AUTS2: variants seen among roughly 807,000 people sequenced by gnomAD.
AUTS2 encodes the protein autism susceptibility gene 2 protein.
In AUTS2, 17 loss-of-function variants were observed where a neutral mutation model predicts 112.4. The observed-to-expected ratio is 0.15, with a 90% CI of 0.10 to 0.23. AUTS2 has a LOEUF of 0.23. Ranked by LOEUF, AUTS2 falls within the 10% of genes least tolerant of loss-of-function variation. The pLI is 1.00. For synonymous variants in AUTS2, 751 were observed against 702.7 expected (o/e 1.07, Z -1.09); for missense variants, 1,510 against 1,701.6 (o/e 0.89, Z 1.98).
chr7:69,653,164 C>G (rs1487033257), intron 1 of AUTS2, among the ~76,000 whole-genome samples: 1 of 152,156 alleles, frequency 6.6e-6, no homozygotes, highest in Non-Finnish European at 1.5e-5. Flanking sequence ...TTCATGTGGG[C>G]TTGCTGGCTC....
At chr7:69,989,133 T>A (rs778307563) in intron 2 of AUTS2, among the ~76,000 whole-genome samples, 3 of 152,238 alleles carry the variant, frequency 2.0e-5, no homozygotes, top group Non-Finnish European at 4.4e-5. Context: ...ATCTGTACCA[T>A]GTAATTTGTA....
chr7:69,872,062 C>T (rs571539947), intron 1 of AUTS2, among the ~76,000 whole-genome samples: 6 of 152,268 alleles, frequency 3.9e-5, no homozygotes, highest in African/African-American at 7.2e-5. Flanking sequence ...CTGTGTTATC[C>T]GACTTAACTT....
chr7:70,490,107 C>T (rs952316532), intron 5 of AUTS2, among the ~76,000 whole-genome samples: 8 of 151,678 alleles, frequency 5.3e-5, no homozygotes, highest in Non-Finnish European at 1.5e-5. Flanking sequence ...CAAAATTCCA[C>T]CATGAGGAGG....
At chr7:70,038,343 G>C (rs1801099423) in intron 2 of AUTS2, among the ~76,000 whole-genome samples, 1 of 152,136 alleles carries the variant, frequency 6.6e-6, no homozygotes, top group Non-Finnish European at 1.5e-5. Flanking sequence ...TTTCCAAAGA[G>C]AGAACTGTAA....
intron 2 of AUTS2, among the ~76,000 whole-genome samples, chr7:70,110,859 C>CTTTTTTTTTTTT (rs71077618): frequency 1.5e-3 from 123 of 82,770 alleles, no homozygotes; most frequent in Non-Finnish European, 1.8e-3. Flanking sequence ...TTCTTTCTTT[C>CTTTTTTTTTTTT]TTTTTTTTTT....
chr7:70,576,582 G>A (rs1367738887), intron 5 of AUTS2, among the ~76,000 whole-genome samples: 4 of 152,140 alleles, frequency 2.6e-5, no homozygotes, highest in Admixed American at 6.5e-5. Flanking sequence ...ACCAGCAACC[G>A]AGAATCAACA....
chr7:70,444,247 T>C (rs541789263), intron 5 of AUTS2, among the ~76,000 whole-genome samples: 4 of 152,188 alleles, frequency 2.6e-5, no homozygotes, highest in Admixed American at 2.6e-4. Context: ...GAGTGTAACC[T>C]GGGAGGCTCT....
At chr7:70,038,158 C>G (rs1333299794) in intron 2 of AUTS2, among the ~76,000 whole-genome samples, 1 of 151,990 alleles carries the variant, frequency 6.6e-6, no homozygotes, top group East Asian at 1.9e-4. Flanking sequence ...GTGTTGAGAA[C>G]CCGTAGGCTC....
At chr7:70,609,685 C>T (rs1803977014) in intron 5 of AUTS2, among the ~76,000 whole-genome samples, 1 of 151,922 alleles carries the variant, frequency 6.6e-6, no homozygotes, top group African/African-American at 2.4e-5. Flanking sequence ...CCTCTGCCTC[C>T]CAAAGTGCTG....
At chr7:70,077,012 AG>A (rs1464452516) in intron 2 of AUTS2, among the ~76,000 whole-genome samples, 1 of 152,214 alleles carries the variant, frequency 6.6e-6, no homozygotes, top group Non-Finnish European at 1.5e-5. Context: ...AATTATTTAA[AG>A]GGCTGTCATG....
intron 5 of AUTS2, among the ~76,000 whole-genome samples, chr7:70,677,403 CT>C (rs1807970882): frequency 6.6e-6 from 1 of 152,188 alleles, no homozygotes; most frequent in Non-Finnish European, 1.5e-5. Flanking sequence ...CTATATTCCC[CT>C]GAAAGCCTCC....
intron 4 of AUTS2, among the ~76,000 whole-genome samples, chr7:70,135,344 T>C (rs528061379): frequency 1.3e-5 from 2 of 152,250 alleles, no homozygotes; most frequent in East Asian, 3.9e-4. Context: ...TAGGATAACA[T>C]GTCAATGTAA....
At chr7:70,255,732 A>G (rs574996045) in intron 4 of AUTS2, among the ~76,000 whole-genome samples, 3 of 151,986 alleles carry the variant, frequency 2.0e-5, no homozygotes, top group Non-Finnish European at 4.4e-5. Flanking sequence ...CAGCCAGCTT[A>G]TAGAAAGAGA....
chr7:69,839,129 T>C (rs1302111136), intron 1 of AUTS2, among the ~76,000 whole-genome samples: 1 of 152,166 alleles, frequency 6.6e-6, no homozygotes, highest in Non-Finnish European at 1.5e-5. Context: ...CCTGAGTGTA[T>C]GAACCCCTTT....
At chr7:69,978,898 A>ACGCACACACACG in intron 2 of AUTS2, among the ~76,000 whole-genome samples, 1 of 141,746 alleles carries the variant, frequency 7.1e-6, no homozygotes, top group Non-Finnish European at 1.6e-5. Flanking sequence ...ACACACACAC[A>ACGCACACACACG]CACGCACACA....
intron 5 of AUTS2, among the ~76,000 whole-genome samples, chr7:70,649,985 A>G (rs1197262942): frequency 6.6e-6 from 1 of 152,122 alleles, no homozygotes; most frequent in Non-Finnish European, 1.5e-5. Flanking sequence ...CAACCATGGC[A>G]GGGGGGCGGG....
At chr7:70,679,464 T>C (rs964929928) in intron 5 of AUTS2, among the ~76,000 whole-genome samples, 8 of 152,172 alleles carry the variant, frequency 5.3e-5, no homozygotes, top group African/African-American at 1.9e-4. Flanking sequence ...ACCCAAACTT[T>C]CCATTACCAA....
In AUTS2 at chr7:70,010,257, C is replaced by T. The variant is rs372835080; in HGVS notation, c.523-107875C>T. Among the ~76,000 whole-genome samples, 5 of 152,240 alleles carry T rather than the reference C, an allele frequency of 3.3e-5. No homozygotes were observed. The East Asian group carries it at 7.7e-4, about 24-fold the overall frequency. On this transcript the variant is annotated intron_variant, in intron 2 of 18. Transcript: ENST00000342771. ...ACCTCCTGGGCTCAAGTGATCCTCCCACCTCAGCCTCCCAAGTGGCTAGTA... is the reference window on the plus strand; with the variant it reads ...ACCTCCTGGGCTCAAGTGATCCTCCTACCTCAGCCTCCCAAGTGGCTAGTA...
intron 16 of AUTS2, among the ~76,000 whole-genome samples, chr7:70,785,681 A>G (rs1388590506): frequency 1.3e-5 from 2 of 152,246 alleles, no homozygotes; most frequent in Non-Finnish European, 1.5e-5. Flanking sequence ...GCAAGTTAGT[A>G]CATCCTAGCT....
Sources: gnomAD v4.1 joint callset for allele counts (sites outside exome capture counted in the v4.1 genomes callset) on GRCh38, gnomAD v4.1.1 for gene constraint, MANE v1.5 for transcripts, NCBI Gene and HGNC (gene_info 2026-07-23, HGNC 2026-07-21) for gene names.